Variants in CAP2 observed in about 807,000 individuals in gnomAD.
The protein encoded by CAP2 is adenylyl cyclase-associated protein 2.
Under a neutral mutation model 57.7 loss-of-function variants are expected in CAP2, and 24 were observed. That is an observed-to-expected ratio of 0.42 (90% CI 0.30 to 0.58). CAP2 has a LOEUF of 0.58. Ranked by LOEUF, CAP2 falls within the 20% of genes least tolerant of loss-of-function variation. The pLI is 0.22. For synonymous variants in CAP2, 194 were observed against 207.2 expected, an observed-to-expected ratio of 0.94 and a Z score of 0.55; for missense variants, 501 against 590.3, an observed-to-expected ratio of 0.85 and a Z score of 1.57.
chr6:17,508,148 C>CAAACCAGAGCAGTGAGAAGG (rs1762039762), intron 6 of CAP2, among the ~76,000 whole-genome samples: 1 of 152,102 alleles, frequency 6.6e-6, no homozygotes, highest in African/African-American at 2.4e-5. Context: ...GGTGAAACAA[C>CAAACCAGAGCAGTGAGAAGG]AAACCAGAGC....
At chr6:17,448,361 G>C (rs1401627350) in intron 3 of CAP2, among the ~76,000 whole-genome samples, 2 of 152,248 alleles carry the variant, frequency 1.3e-5, no homozygotes, top group Non-Finnish European at 1.5e-5. Context: ...AAACAAGTTA[G>C]AGAATTTGGA....
intron 1 of CAP2, among the ~76,000 whole-genome samples, chr6:17,412,385 A>G (rs1561774096): frequency 6.6e-6 from 1 of 152,186 alleles, no homozygotes; most frequent in Non-Finnish European, 1.5e-5. Flanking sequence ...AGGAAGAAGG[A>G]ATGAGTTCGT....
intron 4 of CAP2, among the ~76,000 whole-genome samples, chr6:17,496,784 G>A (rs1367776300): frequency 6.6e-6 from 1 of 152,168 alleles, no homozygotes; most frequent in Non-Finnish European, 1.5e-5. Flanking sequence ...ACTCACAGGG[G>A]AGTTGTTGAA....
At chr6:17,508,947 G>A (rs557516491) in intron 6 of CAP2, among the ~76,000 whole-genome samples, 5 of 151,958 alleles carry the variant, frequency 3.3e-5, no homozygotes, top group East Asian at 1.9e-4. Context: ...TAGTAGAGAC[G>A]GAGTTTCACC....
intron 4 of CAP2, among the ~76,000 whole-genome samples, chr6:17,489,151 A>G (rs986720755): frequency 4.6e-5 from 7 of 152,150 alleles, no homozygotes; most frequent in African/African-American, 7.2e-5. Flanking sequence ...AAAGAAAATC[A>G]GGCTGCGTGC....
intron 5 of CAP2, 109 bp downstream of exon 5, chr6:17,507,421 C>T (rs532868849): frequency 1.4e-5 from 17 of 1,210,074 alleles, no homozygotes; most frequent in African/African-American, 1.1e-4. Flanking sequence ...GAAGCTTCTT[C>T]CTGGGCTGAA....
intron 1 of CAP2, among the ~76,000 whole-genome samples, chr6:17,403,479 A>T (rs920305203): frequency 2.0e-5 from 3 of 152,258 alleles, no homozygotes; most frequent in African/African-American, 4.8e-5. Flanking sequence ...CAAAAGAGAG[A>T]GATTTCCAAT....
chr6:17,522,793 T>C (rs939833837), intron 7 of CAP2, among the ~76,000 whole-genome samples: 5 of 152,182 alleles, frequency 3.3e-5, no homozygotes, highest in African/African-American at 1.2e-4. Context: ...CCATAGGTTT[T>C]GTTGTTTGTT....
At chr6:17,431,040 G>A (rs756121017) in intron 3 of CAP2, among the ~76,000 whole-genome samples, 10 of 152,084 alleles carry the variant, frequency 6.6e-5, no homozygotes, top group Non-Finnish European at 1.5e-4. Flanking sequence ...GTTCTTGATT[G>A]AAATGGACTT....
intron 4 of CAP2, among the ~76,000 whole-genome samples, chr6:17,496,440 C>G (rs116595163): frequency 1.3e-5 from 2 of 152,132 alleles, no homozygotes; most frequent in East Asian, 1.9e-4. Flanking sequence ...GAGCTACTCA[C>G]CAAATGAGCT....
chr6:17,437,728 T>C (rs1759933282), intron 3 of CAP2, among the ~76,000 whole-genome samples: 1 of 151,656 alleles, frequency 6.6e-6, no homozygotes, highest in East Asian at 1.9e-4. Context: ...AATACAAAAA[T>C]TAGCTGGGCA....
intron 1 of CAP2, among the ~76,000 whole-genome samples, chr6:17,404,985 A>G (rs548857352): frequency 2.0e-5 from 3 of 152,220 alleles, no homozygotes; most frequent in South Asian, 2.1e-4. Flanking sequence ...CCACTTATCC[A>G]TGGGGGATAC....
At chr6:17,523,569 A>G (rs186713385) in intron 7 of CAP2, among the ~76,000 whole-genome samples, 67 of 152,352 alleles carry the variant, frequency 4.4e-4, no homozygotes, top group African/African-American at 1.5e-3. Context: ...GGAAAACACT[A>G]TTATTTCAAG....
At chr6:17,481,539 ATT>A (rs1761286270) in intron 4 of CAP2, among the ~76,000 whole-genome samples, 1 of 152,200 alleles carries the variant, frequency 6.6e-6, no homozygotes. Context: ...AGTTCCAAGA[ATT>A]TACTTGCTAA....
chr6:17,501,412 G>A (rs1262421637), intron 4 of CAP2, among the ~76,000 whole-genome samples: 1 of 151,984 alleles, frequency 6.6e-6, no homozygotes, highest in African/African-American at 2.4e-5. Context: ...TATGTTTTAC[G>A]TCTGTATTTT....
intron 4 of CAP2, among the ~76,000 whole-genome samples, chr6:17,484,718 A>G (rs1761379257): frequency 6.6e-6 from 1 of 152,182 alleles, no homozygotes; most frequent in Non-Finnish European, 1.5e-5. Flanking sequence ...TGACCAGGAA[A>G]TGTGACAGTG....
At chr6:17,509,116 TACA>T (rs1298811645) in intron 6 of CAP2, among the ~76,000 whole-genome samples, 12 of 152,210 alleles carry the variant, frequency 7.9e-5, no homozygotes, top group Non-Finnish European at 1.8e-4. Flanking sequence ...GAAAAGGGTC[TACA>T]ACAATATAAG....
intron 1 of CAP2, among the ~76,000 whole-genome samples, chr6:17,406,500 T>C (rs527876262): frequency 6.6e-6 from 1 of 150,902 alleles, no homozygotes; most frequent in East Asian, 2.0e-4. Context: ...TTCAAGCAAT[T>C]CTCCTGCCTC....
chr6:17,455,751 G>A (rs565972531), intron 3 of CAP2, among the ~76,000 whole-genome samples: 1 of 152,102 alleles, frequency 6.6e-6, no homozygotes, highest in Non-Finnish European at 1.5e-5. Flanking sequence ...TAGCCAGAAT[G>A]GTCTTGATCT....
Sources: gnomAD v4.1 joint callset for allele counts (sites outside exome capture counted in the v4.1 genomes callset) on GRCh38, gnomAD v4.1.1 for gene constraint, MANE v1.5 for transcripts, NCBI Gene and HGNC (gene_info 2026-07-23, HGNC 2026-07-21) for gene names.